JARID2: variants seen among roughly 807,000 people sequenced by gnomAD.
JARID2 encodes protein Jumonji.
A neutral mutation model predicts 125.6 loss-of-function variants in JARID2; 21 were observed. The ratio of observed to expected loss-of-function variants is 0.17; its 90% CI spans 0.12 to 0.24. The LOEUF is 0.24. Ranked by LOEUF, JARID2 falls within the 10% of genes least tolerant of loss-of-function variation. The probability of loss-of-function intolerance (pLI) is 1.00; values close to 1 mark genes in which losing one functional copy is unlikely to be tolerated. For missense variants in JARID2, 1,303 were observed against 1,639.6 expected (o/e 0.79, Z 3.55); for synonymous variants, 736 against 661.6 (o/e 1.11, Z -1.73).
At chr6:15,340,560 G>T (rs1483115064) in intron 1 of JARID2, among the ~76,000 whole-genome samples, 2 of 152,168 alleles carry the variant, frequency 1.3e-5, no homozygotes, top group African/African-American at 2.4e-5. Flanking sequence ...TGTAGTGGAT[G>T]GATATTGGAG....
intron 5 of JARID2, among the ~76,000 whole-genome samples, chr6:15,484,691 T>C (rs942190691): frequency 2.0e-5 from 3 of 152,210 alleles, no homozygotes; most frequent in Admixed American, 2.0e-4. Context: ...GGGAATGAGC[T>C]GCAGATAATG....
intron 3 of JARID2, among the ~76,000 whole-genome samples, chr6:15,445,549 A>G (rs563743370): frequency 1.3e-5 from 2 of 152,282 alleles, no homozygotes; most frequent in African/African-American, 4.8e-5. Context: ...GGAAAGGACA[A>G]TAGGGATCTT....
intron 16 of JARID2, among the ~76,000 whole-genome samples, chr6:15,514,344 C>T (rs1255754531): frequency 1.3e-5 from 2 of 152,224 alleles, no homozygotes; most frequent in Admixed American, 6.5e-5. Context: ...CCCCGGGCCT[C>T]GTCCCTTTCC....
intron 1 of JARID2, among the ~76,000 whole-genome samples, chr6:15,299,347 A>C (rs989052343): frequency 6.6e-6 from 1 of 152,116 alleles, no homozygotes; most frequent in South Asian, 2.1e-4. Context: ...TGTACAACAG[A>C]GGTGTGTTTG....
intron 3 of JARID2, among the ~76,000 whole-genome samples, chr6:15,430,635 A>T (rs1248776895): frequency 6.6e-6 from 1 of 152,178 alleles, no homozygotes; most frequent in African/African-American, 2.4e-5. Flanking sequence ...GTGTAGTGAG[A>T]TGTCCATCTG....
At chr6:15,408,123 GC>G (rs1423751626) in intron 2 of JARID2, among the ~76,000 whole-genome samples, 1 of 152,000 alleles carries the variant, frequency 6.6e-6, no homozygotes, top group East Asian at 1.9e-4. Context: ...GATTAGCTGG[GC>G]ATGGTGGCAT....
chr6:15,361,424 G>A (rs1380917032), intron 1 of JARID2, among the ~76,000 whole-genome samples: 1 of 152,106 alleles, frequency 6.6e-6, no homozygotes, highest in Non-Finnish European at 1.5e-5. Flanking sequence ...TTCCTCCTCT[G>A]TCCTTTCACA....
intron 3 of JARID2, among the ~76,000 whole-genome samples, chr6:15,446,432 A>G (rs749815781): frequency 1.3e-5 from 2 of 152,216 alleles, no homozygotes; most frequent in East Asian, 1.9e-4. Context: ...AGTGGCCTCT[A>G]TTACAGAGTA....
At chr6:15,382,977 A>G (rs2127530422) in intron 2 of JARID2, among the ~76,000 whole-genome samples, 1 of 152,252 alleles carries the variant, frequency 6.6e-6, no homozygotes, top group South Asian at 2.1e-4. Context: ...TCACCTGGGT[A>G]GTGGAGTCTG....
At chr6:15,486,603 AG>A (rs1165215742) in intron 5 of JARID2, among the ~76,000 whole-genome samples, 1 of 152,234 alleles carries the variant, frequency 6.6e-6, no homozygotes, top group Non-Finnish European at 1.5e-5. Context: ...CCTGGCTTAT[AG>A]GAAGCACTTA....
chr6:15,471,286 C>T (rs1244327203), intron 5 of JARID2, among the ~76,000 whole-genome samples: 2 of 152,160 alleles, frequency 1.3e-5, no homozygotes, highest in African/African-American at 4.8e-5. Context: ...CTTGAAGCCT[C>T]CTGAATAAGT....
intron 2 of JARID2, among the ~76,000 whole-genome samples, chr6:15,375,236 A>G (rs907212143): frequency 8.5e-5 from 13 of 152,124 alleles, no homozygotes. Flanking sequence ...CTCTGTTTCT[A>G]TGGGGCAATG....
chr6:15,282,659 C>CAA (rs1262755190), intron 1 of JARID2, among the ~76,000 whole-genome samples: 1 of 151,798 alleles, frequency 6.6e-6, no homozygotes, highest in Non-Finnish European at 1.5e-5. Context: ...GGCTGAAGTG[C>CAA]AATGGCGAGA....
chr6:15,337,937 G>A lies in JARID2; in HGVS notation c.46-36180G>A, dbSNP rs369310837. On this transcript the variant is annotated intron_variant, in intron 1 of 17. Coordinates refer to ENST00000341776, the MANE Select transcript of JARID2 (RefSeq NM_004973.4). The stretch of plus-strand genomic sequence containing the variant: ...AAGAAAAACCAGGTCTGAGGGTTCC[G>A]AGGCCAGGCAACAGGCACAATGTAA... 1.7e-4 allele frequency among the ~76,000 whole-genome samples: 26 copies of A among 152,234 alleles called. No individual in the cohort carries two copies. In the East Asian group the frequency reaches 3.5e-3, roughly 20 times the overall value.
intron 8 of JARID2, among the ~76,000 whole-genome samples, chr6:15,503,975 C>T (rs913082610): frequency 6.6e-6 from 1 of 152,236 alleles, no homozygotes; most frequent in Non-Finnish European, 1.5e-5. Flanking sequence ...CAGGTCGCAA[C>T]CTCAGTGAAG....
intron 5 of JARID2, among the ~76,000 whole-genome samples, chr6:15,479,416 A>G (rs1561891781): frequency 6.6e-6 from 1 of 152,240 alleles, no homozygotes; most frequent in East Asian, 1.9e-4. Context: ...TAAAGGGCAG[A>G]TATATCCAAG....
chr6:15,465,504 C>T (rs1282928997), intron 4 of JARID2, among the ~76,000 whole-genome samples: 1 of 151,316 alleles, frequency 6.6e-6, no homozygotes, highest in African/African-American at 2.4e-5. Context: ...CTGAACTGAG[C>T]GTCTAGATAT....
intron 3 of JARID2, among the ~76,000 whole-genome samples, chr6:15,434,504 A>G (rs1184731631): frequency 6.6e-6 from 1 of 152,188 alleles, no homozygotes; most frequent in Non-Finnish European, 1.5e-5. Context: ...AAGAGAATGC[A>G]TTGGTTTTTC....
At chr6:15,373,550 T>C (rs961432248) in intron 1 of JARID2, among the ~76,000 whole-genome samples, 1 of 152,230 alleles carries the variant, frequency 6.6e-6, no homozygotes, top group Non-Finnish European at 1.5e-5. Context: ...TCTGCAGTAC[T>C]CTCTCCTTTT....
Sources: gnomAD v4.1 joint callset for allele counts (sites outside exome capture counted in the v4.1 genomes callset) on GRCh38, gnomAD v4.1.1 for gene constraint, MANE v1.5 for transcripts, NCBI Gene and HGNC (gene_info 2026-07-23, HGNC 2026-07-21) for gene names.